Variants in PRKG1 observed in about 807,000 individuals in gnomAD.
The protein encoded by PRKG1 is protein kinase cGMP-dependent 1.
A neutral mutation model predicts 88.1 loss-of-function variants in PRKG1; 35 were observed. The ratio of observed to expected loss-of-function variants is 0.40; its 90% CI spans 0.30 to 0.53. The LOEUF (loss-of-function observed/expected upper bound fraction) is 0.53, where lower values mean the gene tolerates loss of function less well. PRKG1 is among the 20% of genes least tolerant of loss of function. PRKG1 has a pLI of 0.59. For missense variants in PRKG1, 540 were observed against 839.8 expected (o/e 0.64, Z 4.41); for synonymous variants, 303 against 292.5 (o/e 1.04, Z -0.37).
chr10:52,273,374 T>C (rs1374819439), intron 12 of PRKG1, among the ~76,000 whole-genome samples: 1 of 152,100 alleles, frequency 6.6e-6, no homozygotes, highest in Non-Finnish European at 1.5e-5. Context: ...ATTTTTCTTA[T>C]TTGTTTGAGT....
intron 2 of PRKG1, among the ~76,000 whole-genome samples, chr10:51,262,850 G>A (rs78931523): frequency 0.038 from 5,773 of 152,174 alleles, 355 homozygotes; most frequent in African/African-American, 0.13. Flanking sequence ...TAACAAGGGG[G>A]CAATCTGGCC....
chr10:51,972,194 T>G (rs1486463270), intron 5 of PRKG1, among the ~76,000 whole-genome samples: 1 of 152,214 alleles, frequency 6.6e-6, no homozygotes, highest in Admixed American at 6.5e-5. Context: ...TTTACATAAA[T>G]GGTCCTATAC....
chr10:51,884,439 C>A (rs373517096), intron 4 of PRKG1, among the ~76,000 whole-genome samples: 1 of 51,278 alleles, frequency 2.0e-5, no homozygotes. Context: ...AGTGAAACTC[C>A]GTCTCAAAAA....
chr10:52,084,704 A>G (rs1162817928), intron 7 of PRKG1, among the ~76,000 whole-genome samples: 1 of 152,062 alleles, frequency 6.6e-6, no homozygotes, highest in Admixed American at 6.6e-5. Context: ...TGTAATGACT[A>G]TACAGTTAAC....
chr10:51,325,731 A>G (rs1022794577), intron 2 of PRKG1, among the ~76,000 whole-genome samples: 1 of 152,106 alleles, frequency 6.6e-6, no homozygotes, highest in Admixed American at 6.6e-5. Flanking sequence ...TTCTTCTAGT[A>G]GTTTTATAGT....
In PRKG1 at chr10:51,559,102, A is replaced by G. The variant is rs1175027915; in HGVS notation, c.592+91266A>G. Among the ~76,000 whole-genome samples the G allele has an allele frequency of 2.6e-5, 4 of 152,094 alleles. No individual in the cohort carries two copies. In the East Asian group the frequency reaches 7.7e-4, roughly 29 times the overall value. Reference sequence around the variant, plus strand: ...CTATGCCTAATTTATAAATTAAACTATCACAGATATACATATATATATGGC... The same window carrying G: ...CTATGCCTAATTTATAAATTAAACTGTCACAGATATACATATATATATGGC... On this transcript the variant is annotated intron_variant, in intron 3 of 17. Transcript: ENST00000373980.
chr10:52,191,133 T>C (rs927579499), intron 9 of PRKG1, among the ~76,000 whole-genome samples: 2 of 152,126 alleles, frequency 1.3e-5, no homozygotes, highest in African/African-American at 4.8e-5. Context: ...TAGAGGAGTC[T>C]CCCTACCCTA....
intron 5 of PRKG1, among the ~76,000 whole-genome samples, chr10:51,996,076 G>T (rs1420430679): frequency 6.6e-6 from 1 of 151,876 alleles, no homozygotes; most frequent in African/African-American, 2.4e-5. Context: ...ACTTTGGGAG[G>T]CTGAGGCAGA....
intron 9 of PRKG1, among the ~76,000 whole-genome samples, chr10:52,233,480 G>A (rs549519689): frequency 6.1e-5 from 9 of 148,648 alleles, no homozygotes; most frequent in African/African-American, 2.0e-4. Context: ...GCCGAAGCAG[G>A]GCGAGGCATT....
At position 51,148,237 on chromosome 10, in the gene PRKG1, A is replaced by T. The variant is rs9414828; in HGVS notation, c.312-4927A>T. ...GAAGACTTGGATGTCTGAGTTCCCA[A>T]ATGGATAGACAATACTGTAGGCCAA... On this transcript the variant is annotated intron_variant, in intron 1 of 17. Coordinates refer to ENST00000373980, the MANE Select transcript of PRKG1 (RefSeq NM_006258.4). 1,777 of 985,264 alleles carry T rather than the reference A, an allele frequency of 1.8e-3. 23 individuals are homozygous for T. The African/African-American group carries it at 0.029, about 16-fold the overall frequency. The allele number at this position is 985,264 out of a possible 1,614,324, so 61.0% of individuals were successfully genotyped here.
chr10:51,337,131 G>A (rs1239749675), intron 2 of PRKG1, among the ~76,000 whole-genome samples: 1 of 152,130 alleles, frequency 6.6e-6, no homozygotes, highest in Non-Finnish European at 1.5e-5. Context: ...TCCAATCTTT[G>A]ACAAACCTGA....
intron 5 of PRKG1, among the ~76,000 whole-genome samples, chr10:51,947,221 T>C (rs1233095082): frequency 6.6e-6 from 1 of 152,110 alleles, no homozygotes; most frequent in Non-Finnish European, 1.5e-5. Flanking sequence ...CTCAGACTGC[T>C]GTGCTAGCAA....
At position 50,991,691 on chromosome 10, in the gene PRKG1, G is replaced by T. The variant is rs1214918272; in HGVS notation, c.266+47G>T. 2.9e-6 allele frequency: 4 copies of T among 1,356,512 alleles called. No homozygotes were observed. Among genetic ancestry groups the T allele is most frequent in the Non-Finnish European group, 2.9e-6 (3 of 1,048,306 alleles). 84.0% of individuals were successfully genotyped at this position (1,356,512 alleles called of 1,614,324 possible). Reference sequence around the variant, plus strand: ...CCGGGCGCTCGTCCCGGCCCGCGGCGCAGAGGCTGGGGGCTCTGGCCGCGG... The same window carrying T: ...CCGGGCGCTCGTCCCGGCCCGCGGCTCAGAGGCTGGGGGCTCTGGCCGCGG... On this transcript the variant is annotated intron_variant, in intron 1 of 17. Coordinates refer to the PRKG1 transcript ENST00000401604. This position sits in a 1 kb window ranked among gnomAD's most constrained non-coding sequence, Gnocchi z 4.5.
In PRKG1 at chr10:51,121,667, A is replaced by G. The variant is rs546509276; in HGVS notation, c.312-31497A>G. 3.3e-5 allele frequency among the ~76,000 whole-genome samples: 5 copies of G among 152,300 alleles called. No homozygotes were observed. In the South Asian group the frequency reaches 1.0e-3, roughly 32 times the overall value. On this transcript the variant is annotated intron_variant, in intron 1 of 17. Coordinates refer to ENST00000373980, the MANE Select transcript of PRKG1 (RefSeq NM_006258.4). ...TTTTTTCCAAGGCCACCCAGCTAGT[A>G]AGTGACAACCGTAAGAACACAGATA...
intron 2 of PRKG1, among the ~76,000 whole-genome samples, chr10:51,387,238 G>A (rs537347413): frequency 9.2e-5 from 14 of 151,772 alleles, no homozygotes; most frequent in Admixed American, 2.0e-4. Context: ...CACAGGGCCC[G>A]TGGTCAAGGG....
At chr10:51,295,847 C>T (rs553315974) in intron 2 of PRKG1, among the ~76,000 whole-genome samples, 1 of 152,134 alleles carries the variant, frequency 6.6e-6, no homozygotes, top group African/African-American at 2.4e-5. Flanking sequence ...AAACAATTTC[C>T]TTCTATACCT....
intron 14 of PRKG1, among the ~76,000 whole-genome samples, chr10:52,284,275 A>G (rs780619204): frequency 4.6e-5 from 7 of 152,212 alleles, no homozygotes; most frequent in South Asian, 2.1e-4. Context: ...ATAAAGCACT[A>G]TAAGTCACAA....
intron 3 of PRKG1, among the ~76,000 whole-genome samples, chr10:51,773,742 T>A (rs1478104959): frequency 6.6e-6 from 1 of 152,104 alleles, no homozygotes; most frequent in Non-Finnish European, 1.5e-5. Context: ...CCATTATTCA[T>A]CTCATTTAAT....
intron 3 of PRKG1, among the ~76,000 whole-genome samples, chr10:51,643,025 G>A (rs189135484): frequency 1.3e-5 from 2 of 152,080 alleles, no homozygotes; most frequent in Admixed American, 1.3e-4. Flanking sequence ...AATTTATTCT[G>A]ACAAGAAAGC....
Sources: allele counts gnomAD v4.1 joint callset (sites outside exome capture counted in the v4.1 genomes callset), GRCh38; gene constraint gnomAD v4.1.1; non-coding constraint Gnocchi (gnomAD v3.1); transcripts MANE v1.5; gene names NCBI Gene and HGNC (gene_info 2026-07-23, HGNC 2026-07-21).